Variants in NEGR1 observed in about 807,000 individuals in gnomAD.
NEGR1 encodes IgLON family member 4.
A neutral mutation model predicts 40.9 loss-of-function variants in NEGR1; 10 were observed. That is an observed-to-expected ratio of 0.24 (90% CI 0.15 to 0.42). NEGR1 has a LOEUF of 0.42. Among genes scored for constraint, NEGR1 ranks in the 10% least tolerant of loss-of-function variants. NEGR1 has a pLI of 1.00. For missense variants in NEGR1, 352 were observed against 438.9 expected, an observed-to-expected ratio of 0.80 and a Z score of 1.77; for synonymous variants, 185 against 166.8, an observed-to-expected ratio of 1.11 and a Z score of -0.84.
At chr1:71,602,670 G>A (rs2101533766) in intron 5 of NEGR1, among the ~76,000 whole-genome samples, 1 of 152,208 alleles carries the variant, frequency 6.6e-6, no homozygotes, top group South Asian at 2.1e-4. Flanking sequence ...AGTTGAATGG[G>A]CTCTTACTGT....
intron 4 of NEGR1, among the ~76,000 whole-genome samples, chr1:71,685,431 G>A (rs1028147622): frequency 6.7e-6 from 1 of 149,772 alleles, no homozygotes; most frequent in East Asian, 2.0e-4. Context: ...CAAGCGATTC[G>A]CCTGCCTTAG....
chr1:71,788,587 C>T (rs1038125920), intron 2 of NEGR1, among the ~76,000 whole-genome samples: 1 of 151,998 alleles, frequency 6.6e-6, no homozygotes, highest in South Asian at 2.1e-4. Flanking sequence ...ATTCTTAATT[C>T]TCTTTAACGC....
At chr1:71,519,747 A>T (rs908405157) in intron 6 of NEGR1, among the ~76,000 whole-genome samples, 22 of 145,576 alleles carry the variant, frequency 1.5e-4, no homozygotes, top group African/African-American at 5.5e-4. Flanking sequence ...AAAAAAAATT[A>T]AAAAAAAACA....
chr1:71,709,637 G>A (rs1038673545), intron 3 of NEGR1, among the ~76,000 whole-genome samples: 4 of 152,128 alleles, frequency 2.6e-5, no homozygotes, highest in Non-Finnish European at 4.4e-5. Flanking sequence ...CTTCAATAAA[G>A]GGTGCTGGCA....
chr1:71,662,998 T>C (rs1006124587), intron 4 of NEGR1, among the ~76,000 whole-genome samples: 2 of 151,934 alleles, frequency 1.3e-5, no homozygotes, highest in South Asian at 2.1e-4. Flanking sequence ...GTTCTGTCTC[T>C]CAGGCTGGAG....
chr1:72,248,588 T>TTATTA (rs1487916611), intron 1 of NEGR1, among the ~76,000 whole-genome samples: 7 of 144,136 alleles, frequency 4.9e-5, no homozygotes, highest in African/African-American at 1.6e-4. Flanking sequence ...ATTATTATTA[T>TTATTA]TATTATTATT....
At chr1:71,834,653 A>G (rs1290016414) in intron 2 of NEGR1, among the ~76,000 whole-genome samples, 4 of 151,994 alleles carry the variant, frequency 2.6e-5, no homozygotes, top group African/African-American at 7.2e-5. Flanking sequence ...CTCAGCCTCC[A>G]TAATTGTGTG....
intron 6 of NEGR1, among the ~76,000 whole-genome samples, chr1:71,429,557 C>T (rs1160418005): frequency 1.3e-5 from 2 of 152,210 alleles, no homozygotes; most frequent in Non-Finnish European, 2.9e-5. Flanking sequence ...TCTGTTAGGT[C>T]CAGTGCACAG....
chr1:71,767,874 A>T (rs1252747837), intron 3 of NEGR1, among the ~76,000 whole-genome samples: 3 of 152,190 alleles, frequency 2.0e-5, no homozygotes, highest in African/African-American at 7.2e-5. Context: ...ACATGGCTCA[A>T]AGGGGCCCAT....
intron 1 of NEGR1, among the ~76,000 whole-genome samples, chr1:72,260,088 G>A (rs776791870): frequency 3.0e-4 from 45 of 152,106 alleles, no homozygotes; most frequent in Admixed American, 9.8e-4. Flanking sequence ...CTGCTCCTTA[G>A]AGTAACCCTA....
chr1:72,126,441 C>T (rs991932155), intron 1 of NEGR1, among the ~76,000 whole-genome samples: 1 of 152,058 alleles, frequency 6.6e-6, no homozygotes, highest in Non-Finnish European at 1.5e-5. Flanking sequence ...TTTCTAACTA[C>T]ATTTGGTTTC....
At chr1:71,737,108 A>C (rs1381233373) in intron 3 of NEGR1, among the ~76,000 whole-genome samples, 1 of 152,226 alleles carries the variant, frequency 6.6e-6, no homozygotes, top group African/African-American at 2.4e-5. Context: ...TCTTTCAACT[A>C]TAATAAACCT....
chr1:71,711,474 A>C (rs1206893276), intron 3 of NEGR1, among the ~76,000 whole-genome samples: 2 of 119,860 alleles, frequency 1.7e-5, no homozygotes, highest in East Asian at 2.5e-4. Flanking sequence ...AGAATGGCTA[A>C]AATTTACAAA....
At chr1:71,472,941 A>G (rs1646791720) in intron 6 of NEGR1, among the ~76,000 whole-genome samples, 1 of 152,122 alleles carries the variant, frequency 6.6e-6, no homozygotes, top group Non-Finnish European at 1.5e-5. Context: ...AAAGTTAACT[A>G]TGAAACAATG....
intron 1 of NEGR1, among the ~76,000 whole-genome samples, chr1:72,246,569 T>C (rs932098578): frequency 2.0e-5 from 3 of 152,206 alleles, no homozygotes; most frequent in African/African-American, 7.2e-5. Context: ...ATCTTTCACT[T>C]CAGAACTTTT....
chr1:71,543,307 C>A (rs938910241), intron 6 of NEGR1, among the ~76,000 whole-genome samples: 3 of 151,792 alleles, frequency 2.0e-5, no homozygotes, highest in African/African-American at 7.2e-5. Context: ...TAGTCACACA[C>A]CCCAACCAAA....
chr1:71,687,229 C>A (rs1653069596), intron 4 of NEGR1, among the ~76,000 whole-genome samples: 1 of 152,086 alleles, frequency 6.6e-6, no homozygotes, highest in Non-Finnish European at 1.5e-5. Flanking sequence ...TTTATAATTG[C>A]CACCAAACTG....
chr1:71,506,350 G>T (rs1647034894), intron 6 of NEGR1, among the ~76,000 whole-genome samples: 1 of 152,068 alleles, frequency 6.6e-6, no homozygotes, highest in Non-Finnish European at 1.5e-5. Flanking sequence ...TCAAACTTGG[G>T]GAGGGAAGAG....
At chr1:71,543,901 G>A (rs539519676) in intron 6 of NEGR1, among the ~76,000 whole-genome samples, 23 of 151,778 alleles carry the variant, frequency 1.5e-4, no homozygotes, top group African/African-American at 4.8e-4. Context: ...GGTTAAGTTG[G>A]ATAGAATGTT....
Sources: gnomAD v4.1 joint callset for allele counts (sites outside exome capture counted in the v4.1 genomes callset) on GRCh38, gnomAD v4.1.1 for gene constraint, MANE v1.5 for transcripts, NCBI Gene and HGNC (gene_info 2026-07-23, HGNC 2026-07-21) for gene names.